The following NFIA variants were observed in gnomAD, a reference collection of about 807,000 sequenced individuals.
NFIA encodes the protein nuclear factor 1 A-type.
NFIA carries 8 observed loss-of-function variants against 62.8 expected under a neutral mutation model. That is an observed-to-expected ratio of 0.13 (90% CI 0.07 to 0.23). The LOEUF (loss-of-function observed/expected upper bound fraction) is 0.23, where lower values mean the gene tolerates loss of function less well. Among genes scored for constraint, NFIA ranks in the 10% least tolerant of loss-of-function variants. The probability of loss-of-function intolerance (pLI) is 1.00; values close to 1 mark genes in which losing one functional copy is unlikely to be tolerated. For missense variants in NFIA, 410 were observed against 642.1 expected (o/e 0.64, Z 3.91); for synonymous variants, 235 against 238.1 (o/e 0.99, Z 0.12).
chr1:61,102,580 CCTTA>C (rs1389601911), intron 2 of NFIA, among the ~76,000 whole-genome samples: 9 of 151,988 alleles, frequency 5.9e-5, no homozygotes, highest in African/African-American at 1.9e-4. Flanking sequence ...TTTAGTTTTC[CCTTA>C]CTTCATATAA....
intron 2 of NFIA, chr1:61,249,859 CAGTTTGAGTACACAAG>C (rs1414845359): frequency 6.6e-6 from 1 of 152,070 alleles, no homozygotes; most frequent in Admixed American, 6.6e-5. Context: ...TTCCTGCTGA[CAGTTTGAGTACACAAG>C]ATACACTGTG....
chr1:61,139,597 A>G (rs1647345834), intron 2 of NFIA, among the ~76,000 whole-genome samples: 1 of 152,208 alleles, frequency 6.6e-6, no homozygotes, highest in African/African-American at 2.4e-5. Context: ...ATGAGATTTC[A>G]TAATATTCTC....
chr1:61,161,541 A>C (rs1276301827), intron 2 of NFIA, among the ~76,000 whole-genome samples: 1 of 152,100 alleles, frequency 6.6e-6, no homozygotes, highest in Non-Finnish European at 1.5e-5. Context: ...CGAGATGGAT[A>C]GTAGCTTGAG....
intron 4 of NFIA, among the ~76,000 whole-genome samples, chr1:61,346,919 G>A (rs147635152): frequency 3.3e-5 from 5 of 152,250 alleles, no homozygotes; most frequent in Non-Finnish European, 5.9e-5. Context: ...CCAGCAAAGG[G>A]GGAAGCCCCT....
intron 9 of NFIA, among the ~76,000 whole-genome samples, chr1:61,413,989 G>C (rs1199399176): frequency 1.5e-5 from 2 of 135,732 alleles, no homozygotes; most frequent in African/African-American, 5.4e-5. Flanking sequence ...TTTTTTGTTT[G>C]TTTGTCTTTC....
chr1:61,316,803 A>G (rs1660389021), intron 3 of NFIA, among the ~76,000 whole-genome samples: 1 of 152,230 alleles, frequency 6.6e-6, no homozygotes. Context: ...CTAAAAGGCC[A>G]AATTCTTTCA....
At chr1:61,191,114 A>G (rs548733625) in intron 2 of NFIA, among the ~76,000 whole-genome samples, 3 of 151,900 alleles carry the variant, frequency 2.0e-5, no homozygotes, top group Admixed American at 6.6e-5. Context: ...CTTTAGCTCA[A>G]TGTTACAATG....
chr1:61,214,036 A>G (rs1212248703), intron 2 of NFIA, among the ~76,000 whole-genome samples: 1 of 152,172 alleles, frequency 6.6e-6, no homozygotes, highest in East Asian at 1.9e-4. Context: ...AGGAGTTTGA[A>G]AGTGCTCCCC....
chr1:61,202,231 T>C (rs911188053), intron 2 of NFIA, among the ~76,000 whole-genome samples: 9 of 152,186 alleles, frequency 5.9e-5, no homozygotes, highest in Non-Finnish European at 8.8e-5. Context: ...TAGAGTTCTT[T>C]AAATAAAATC....
chr1:61,090,821 G>A (rs893483056), intron 2 of NFIA, among the ~76,000 whole-genome samples: 4 of 152,160 alleles, frequency 2.6e-5, no homozygotes, highest in Non-Finnish European at 4.4e-5. Flanking sequence ...CTCTGTGCGC[G>A]CAACAGGAAG....
intron 2 of NFIA, among the ~76,000 whole-genome samples, chr1:61,113,689 A>G (rs1401849130): frequency 6.6e-6 from 1 of 152,052 alleles, no homozygotes; most frequent in Non-Finnish European, 1.5e-5. Flanking sequence ...TTCTTGGGTA[A>G]AACTGATTTG....
chr1:61,427,746 A>G (rs910912223), intron 10 of NFIA, among the ~76,000 whole-genome samples: 1 of 152,184 alleles, frequency 6.6e-6, no homozygotes, highest in African/African-American at 2.4e-5. Flanking sequence ...AGGGGGAGCT[A>G]AAAGGGGAGG....
chr1:61,444,104 C>G (rs1193459218), intron 10 of NFIA, among the ~76,000 whole-genome samples: 1 of 152,094 alleles, frequency 6.6e-6, no homozygotes, highest in African/African-American at 2.4e-5. Flanking sequence ...TTAAGCAAAC[C>G]CTTGTTTTAA....
intron 2 of NFIA, among the ~76,000 whole-genome samples, chr1:61,240,894 A>T (rs1344946764): frequency 2.6e-5 from 4 of 151,842 alleles, no homozygotes. Context: ...GAATATGACC[A>T]CTTTGTCAGA....
intron 2 of NFIA, among the ~76,000 whole-genome samples, chr1:61,267,956 C>T (rs1014722283): frequency 1.3e-5 from 2 of 152,138 alleles, no homozygotes; most frequent in Non-Finnish European, 2.9e-5. Context: ...GGCCCAAAGA[C>T]AACTAAATCA....
intron 7 of NFIA, among the ~76,000 whole-genome samples, chr1:61,403,072 A>G (rs1253551090): frequency 6.6e-6 from 1 of 152,254 alleles, no homozygotes; most frequent in African/African-American, 2.4e-5. Flanking sequence ...ATTTTCCAAA[A>G]TGTGGACATT....
chr1:61,336,015 A>G (rs555932641), intron 4 of NFIA, among the ~76,000 whole-genome samples: 4 of 152,184 alleles, frequency 2.6e-5, no homozygotes, highest in Non-Finnish European at 4.4e-5. Flanking sequence ...ATCTCATTCA[A>G]TCCTCCCATG....
intron 2 of NFIA, among the ~76,000 whole-genome samples, chr1:61,156,008 G>A (rs917839439): frequency 6.6e-6 from 1 of 152,118 alleles, no homozygotes; most frequent in Non-Finnish European, 1.5e-5. Context: ...CGTTGCGTGC[G>A]CCTGTAGTCC....
chr1:61,399,396 T>C (rs1171655813), intron 7 of NFIA, among the ~76,000 whole-genome samples: 4 of 152,152 alleles, frequency 2.6e-5, no homozygotes, highest in African/African-American at 7.2e-5. Flanking sequence ...GAGCCTCCCA[T>C]AGAAGAGAGA....
Sources: allele counts gnomAD v4.1 joint callset (sites outside exome capture counted in the v4.1 genomes callset), GRCh38; gene constraint gnomAD v4.1.1; transcripts MANE v1.5; gene names NCBI Gene and HGNC (gene_info 2026-07-23, HGNC 2026-07-21).